GPC6: variants seen among roughly 807,000 people sequenced by gnomAD.
The protein encoded by GPC6 is glypican-6.
GPC6 carries 14 observed loss-of-function variants against 55.2 expected under a neutral mutation model. The ratio of observed to expected loss-of-function variants is 0.25; its 90% CI spans 0.17 to 0.40. GPC6 has a LOEUF of 0.40. Among genes scored for constraint, GPC6 ranks in the 10% least tolerant of loss-of-function variants. The pLI is 1.00. For missense variants in GPC6, 641 were observed against 708.5 expected (o/e 0.90, Z 1.08); for synonymous variants, 278 against 259.6 (o/e 1.07, Z -0.68).
chr13:93,878,472 T>TA (rs934498981), intron 3 of GPC6, among the ~76,000 whole-genome samples: 2 of 146,630 alleles, frequency 1.4e-5, no homozygotes, highest in African/African-American at 5.4e-5. Context: ...CACCATCTCC[T>TA]GGGTCAAGTG....
At chr13:93,732,143 A>G (rs1284791520) in intron 2 of GPC6, among the ~76,000 whole-genome samples, 4 of 152,210 alleles carry the variant, frequency 2.6e-5, no homozygotes, top group Admixed American at 2.0e-4. Flanking sequence ...GCTGCAAATC[A>G]CATCTCCCTT....
intron 4 of GPC6, among the ~76,000 whole-genome samples, chr13:94,124,567 G>A (rs536168222): frequency 6.6e-6 from 1 of 152,154 alleles, no homozygotes; most frequent in South Asian, 2.1e-4. Flanking sequence ...TAGAGGAGAG[G>A]TAAACATTGA....
Position 93,514,342 on chromosome 13 carries a change from G to A in GPC6, c.161-30921G>A, listed in dbSNP as rs72641608. On this transcript the variant is annotated intron_variant, in intron 1 of 8. Transcript: ENST00000377047. ...AAGAGTCAACTGTTAGCAGTTTTGCGGTCTATTTTACCTTTTCTCATAATA... is the reference window on the plus strand; with the variant it reads ...AAGAGTCAACTGTTAGCAGTTTTGCAGTCTATTTTACCTTTTCTCATAATA... Among the ~76,000 whole-genome samples the A allele has an allele frequency of 9.4e-3, 1,431 of 152,100 alleles. 7 individuals carry two copies. Among genetic ancestry groups the A allele is most frequent in the Middle Eastern group, 0.024 (7 of 294 alleles).
chr13:93,304,940 C>A (rs1214730397), intron 1 of GPC6, among the ~76,000 whole-genome samples: 1 of 152,168 alleles, frequency 6.6e-6, no homozygotes, highest in Non-Finnish European at 1.5e-5. Flanking sequence ...TGGCAGAGAA[C>A]CTCCTGCCCC....
intron 4 of GPC6, among the ~76,000 whole-genome samples, chr13:94,186,197 C>A (rs1225942632): frequency 2.0e-5 from 3 of 150,960 alleles, no homozygotes; most frequent in Non-Finnish European, 4.4e-5. Flanking sequence ...AAACACAATG[C>A]ATATTTACTC....
intron 2 of GPC6, among the ~76,000 whole-genome samples, chr13:93,745,975 C>T (rs900408445): frequency 5.3e-5 from 8 of 152,124 alleles, no homozygotes; most frequent in African/African-American, 1.9e-4. Flanking sequence ...AAATTGTCAG[C>T]ATCAGTGAAA....
intron 1 of GPC6, among the ~76,000 whole-genome samples, chr13:93,506,162 C>T (rs537388733): frequency 6.6e-6 from 1 of 152,228 alleles, no homozygotes; most frequent in South Asian, 2.1e-4. Flanking sequence ...TCAGAGCCCA[C>T]TCCACCCCAC....
chr13:94,208,021 A>G (rs866170037), intron 4 of GPC6, among the ~76,000 whole-genome samples: 3 of 152,166 alleles, frequency 2.0e-5, no homozygotes, highest in African/African-American at 7.2e-5. Flanking sequence ...AATTTATGAC[A>G]TGTCTCTCCA....
intron 4 of GPC6, among the ~76,000 whole-genome samples, chr13:94,056,566 A>T (rs1884140949): frequency 6.6e-6 from 1 of 152,160 alleles, no homozygotes; most frequent in Non-Finnish European, 1.5e-5. Context: ...TAGGACTGGG[A>T]GCTAGAGAAT....
At chr13:93,949,346 T>C (rs1879148893) in intron 3 of GPC6, among the ~76,000 whole-genome samples, 1 of 152,182 alleles carries the variant, frequency 6.6e-6, no homozygotes, top group South Asian at 2.1e-4. Flanking sequence ...GTCAATAGGT[T>C]TTGTGTTGGT....
chr13:93,217,463 T>G, the GPC6 span, among the ~76,000 whole-genome samples: 250 of 152,368 alleles, frequency 1.6e-3, no homozygotes, highest in Non-Finnish European at 3.1e-3. Flanking sequence ...AGTGTAAAAG[T>G]AAAAATGAAA....
At chr13:94,108,246 G>A (rs148221469) in intron 4 of GPC6, among the ~76,000 whole-genome samples, 1 of 152,066 alleles carries the variant, frequency 6.6e-6, no homozygotes, top group Non-Finnish European at 1.5e-5. Context: ...CAGCAACCTG[G>A]ATGAGATTGG....
chr13:94,184,532 G>GA (rs1385775098), intron 4 of GPC6, among the ~76,000 whole-genome samples: 4 of 152,016 alleles, frequency 2.6e-5, no homozygotes, highest in African/African-American at 9.7e-5. Flanking sequence ...ACAAACTTAT[G>GA]AAAAAATGCT....
At chr13:93,507,111 C>G (rs908199454) in intron 1 of GPC6, among the ~76,000 whole-genome samples, 6 of 142,912 alleles carry the variant, frequency 4.2e-5, no homozygotes, top group Non-Finnish European at 9.1e-5. Context: ...TATTCACACT[C>G]AGACAAGGAC....
At chr13:93,920,313 C>T (rs1020993111) in intron 3 of GPC6, among the ~76,000 whole-genome samples, 3 of 152,028 alleles carry the variant, frequency 2.0e-5, no homozygotes, top group African/African-American at 7.2e-5. Flanking sequence ...CCTTTTCTCT[C>T]CCTTCTTTCC....
chr13:93,736,910 A>C (rs1884024310), intron 2 of GPC6, among the ~76,000 whole-genome samples: 1 of 152,170 alleles, frequency 6.6e-6, no homozygotes, highest in Admixed American at 6.5e-5. Flanking sequence ...CACTTCTGTT[A>C]GCTAAACTGA....
chr13:93,693,431 G>GGA (rs1882328645), intron 2 of GPC6, among the ~76,000 whole-genome samples: 1 of 91,044 alleles, frequency 1.1e-5, no homozygotes, highest in Non-Finnish European at 2.1e-5. Context: ...ATATATATAT[G>GGA]GAGATATATG....
intron 1 of GPC6, among the ~76,000 whole-genome samples, chr13:93,370,015 T>G (rs2139190111): frequency 6.6e-6 from 1 of 152,216 alleles, no homozygotes; most frequent in South Asian, 2.1e-4. Context: ...TCAAATTCAC[T>G]TAAATGACAC....
chr13:93,991,772 T>C (rs1452760849), intron 3 of GPC6, among the ~76,000 whole-genome samples: 1 of 152,136 alleles, frequency 6.6e-6, no homozygotes, highest in Non-Finnish European at 1.5e-5. Flanking sequence ...GTGAAATTGC[T>C]TGGATAAATC....
Sources: gnomAD v4.1 joint callset for allele counts (sites outside exome capture counted in the v4.1 genomes callset) on GRCh38, gnomAD v4.1.1 for gene constraint, MANE v1.5 for transcripts, NCBI Gene and HGNC (gene_info 2026-07-23, HGNC 2026-07-21) for gene names.